HRH1: variants seen among roughly 807,000 people sequenced by gnomAD.
HRH1 encodes the protein histamine H1 receptor.
HRH1 carries 6 observed loss-of-function variants against 10.3 expected under a neutral mutation model. The observed-to-expected ratio is 0.58, with a 90% CI of 0.32 to 1.15. The LOEUF (loss-of-function observed/expected upper bound fraction) is 1.15, where lower values mean the gene tolerates loss of function less well. Among genes scored for constraint, HRH1 ranks in the 50% most tolerant of loss-of-function variants. HRH1 has a pLI of 0.05. For synonymous variants in HRH1, 242 were observed against 236.7 expected (o/e 1.02, Z -0.21); for missense variants, 514 against 615.3 (o/e 0.84, Z 1.74).
In HRH1 at chr3:11,198,901, TATACACACAC is replaced by T. The variant is rs1181012991; in HGVS notation, c.-36+44349_-36+44358del. ...GTGTATTGTAAACTCTCTCTCTCTT[TATACACACAC>T]ACACACACACACACACATTTTTTTT... On this transcript the variant is annotated intron_variant, in intron 1 of 1. Transcript: ENST00000431010. 9.9e-4 allele frequency among the ~76,000 whole-genome samples: 85 copies of T among 86,140 alleles called. 2 individuals carry two copies. The South Asian group carries it at 0.03, about 30-fold the overall frequency. 56.5% of individuals were successfully genotyped at this position (86,140 alleles called of 152,430 possible).
chr3:11,237,905 T>C (rs900433472), intron 1 of HRH1, among the ~76,000 whole-genome samples: 2 of 152,108 alleles, frequency 1.3e-5, no homozygotes, highest in African/African-American at 4.8e-5. Context: ...CTCGAACTCC[T>C]GACCTTGTGA....
Position 11,260,120 on chromosome 3 carries a change from G to A in HRH1, c.1083G>A (p.Thr361=), listed in dbSNP as rs1939907754. ...MLGDSQSFSR[T]DSDTTTETAP... ...GTGATAGCCAATCCTTCTCTCGAAC[G>A]GACTCAGATACCACCACAGAGACAG... Residue 361 remains threonine, a synonymous_variant, in exon 2 of 2, where the codon ACG becomes ACA. Transcript: ENST00000431010. 5.0e-6 allele frequency: 8 copies of A among 1,614,028 alleles called. No individual in the cohort carries two copies. Among genetic ancestry groups the A allele is most frequent in the African/African-American group, 1.3e-5 (1 of 75,004 alleles).
At chr3:11,176,758 A>G (rs1246740135) in intron 1 of HRH1, among the ~76,000 whole-genome samples, 2 of 152,260 alleles carry the variant, frequency 1.3e-5, no homozygotes, top group Non-Finnish European at 2.9e-5. Context: ...GAACAGGACT[A>G]TCTAACTCCA....
At chr3:11,219,197 C>G (rs538217746) in intron 1 of HRH1, among the ~76,000 whole-genome samples, 1 of 151,996 alleles carries the variant, frequency 6.6e-6, no homozygotes, top group Non-Finnish European at 1.5e-5. Context: ...CCTAAATTTT[C>G]TTATAAATTC....
Position 11,252,512 on chromosome 3 carries a change from C to T in HRH1, c.-35-6491C>T, listed in dbSNP as rs1444808650. 2.0e-5 allele frequency among the ~76,000 whole-genome samples: 3 copies of T among 152,296 alleles called. No individual in the cohort carries two copies. In the South Asian group the frequency reaches 6.2e-4, roughly 32 times the overall value. ...GACTCCGTAAACCCCCGGGGTAAGA[C>T]TGTCCATCAGTATTGCTGTTTTCAA... On this transcript the variant is annotated intron_variant, in intron 1 of 1. Coordinates refer to ENST00000431010, the MANE Select transcript of HRH1 (RefSeq NM_001098212.2).
intron 1 of HRH1, among the ~76,000 whole-genome samples, chr3:11,139,867 A>G (rs1191146537): frequency 1.3e-5 from 2 of 152,150 alleles, no homozygotes; most frequent in African/African-American, 4.8e-5. Context: ...GTTTTTTGGG[A>G]TGATGGAAAT....
chr3:11,235,227 A>AG (rs1939148648), intron 1 of HRH1, among the ~76,000 whole-genome samples: 1 of 151,894 alleles, frequency 6.6e-6, no homozygotes, highest in African/African-American at 2.4e-5. Flanking sequence ...AAAAAAAAAA[A>AG]TGCTATTAGA....
At chr3:11,236,886 C>T (rs1939194971) in intron 1 of HRH1, among the ~76,000 whole-genome samples, 1 of 152,194 alleles carries the variant, frequency 6.6e-6, no homozygotes, top group South Asian at 2.1e-4. Context: ...GTTACAGGAA[C>T]TGGTAATCAC....
chr3:11,182,278 G>A (rs991261281), intron 1 of HRH1, among the ~76,000 whole-genome samples: 3 of 152,116 alleles, frequency 2.0e-5, no homozygotes, highest in Admixed American at 1.3e-4. Flanking sequence ...CACCGCGCCC[G>A]GCCCGTAAAA....
intron 1 of HRH1, among the ~76,000 whole-genome samples, chr3:11,240,219 C>T (rs1939297300): frequency 1.3e-5 from 2 of 152,018 alleles, no homozygotes; most frequent in African/African-American, 4.8e-5. Context: ...ATTCTGCATC[C>T]CCTATGAACC....
chr3:11,189,039 G>A (rs1937498785), intron 1 of HRH1, among the ~76,000 whole-genome samples: 1 of 152,174 alleles, frequency 6.6e-6, no homozygotes. Context: ...GCAGGACTTA[G>A]AAACTAAGTA....
At chr3:11,244,549 A>G (rs567085753) in intron 1 of HRH1, among the ~76,000 whole-genome samples, 1 of 152,230 alleles carries the variant, frequency 6.6e-6, no homozygotes, top group Non-Finnish European at 1.5e-5. Flanking sequence ...ACTGCTATTA[A>G]TTGAGCACCT....
chr3:11,173,723 T>C (rs554248231), intron 1 of HRH1, among the ~76,000 whole-genome samples: 3 of 152,242 alleles, frequency 2.0e-5, no homozygotes, highest in Non-Finnish European at 4.4e-5. Flanking sequence ...TTATTTGATC[T>C]TGGAGTCTCT....
At chr3:11,209,894 G>A (rs565501285) in intron 1 of HRH1, among the ~76,000 whole-genome samples, 1 of 152,316 alleles carries the variant, frequency 6.6e-6, no homozygotes, top group South Asian at 2.1e-4. Context: ...CTGTGCTGCC[G>A]AGATAGACCC....
rs200571067 is a variant in HRH1 at position 11,259,272 on chromosome 3, G to A, written c.235G>A (p.Val79Ile). The A allele has an allele frequency of 9.4e-5, 152 of 1,613,484 alleles. 3 individuals are homozygous for A. The highest frequency in any genetic ancestry group is 4.8e-4 in the South Asian group (44 of 91,030). The change falls in exon 2 of 2, where the codon GTC (valine) becomes ATC (isoleucine). Residue 79 changes from valine (V) to isoleucine (I), a missense_variant. Physicochemically the swap from Val to Ile is conservative, Grantham distance 29. Coordinates refer to ENST00000431010, the MANE Select transcript of HRH1 (RefSeq NM_001098212.2). The surrounding 1 kb of genome is among the most constrained non-coding windows in gnomAD (Gnocchi z 4.6). ...GGTGGCGGACTTGATCGTGGGTGCCGTCGTCATGCCTATGAACATCCTCTA... is the reference window on the plus strand; with the variant it reads ...GGTGGCGGACTTGATCGTGGGTGCCATCGTCATGCCTATGAACATCCTCTA... ...LSVADLIVGA[V>I]VMPMNILYLL...
At chr3:11,155,222 G>A (rs1354535756) in intron 1 of HRH1, among the ~76,000 whole-genome samples, 2 of 152,164 alleles carry the variant, frequency 1.3e-5, no homozygotes, top group Non-Finnish European at 2.9e-5. Context: ...CTGCAGCTGG[G>A]GGTGTGGAGC....
At chr3:11,207,662 A>G (rs1938186285) in intron 1 of HRH1, among the ~76,000 whole-genome samples, 1 of 152,152 alleles carries the variant, frequency 6.6e-6, no homozygotes, top group South Asian at 2.1e-4. Flanking sequence ...GACCTCTGTG[A>G]GCCTTAGTTT....
chr3:11,256,009 A>G (rs967944865), intron 1 of HRH1, among the ~76,000 whole-genome samples: 19 of 152,144 alleles, frequency 1.2e-4, no homozygotes, highest in Non-Finnish European at 4.4e-5. Context: ...GTGAAGCTGC[A>G]AGGTATTAGA....
At chr3:11,250,034 C>CTT (rs71055856) in intron 1 of HRH1, among the ~76,000 whole-genome samples, 2,597 of 60,836 alleles carry the variant, frequency 0.043, 437 homozygotes, top group African/African-American at 0.14. Context: ...AAGCTTTTCT[C>CTT]TTTTTTTTTT....
Sources: gnomAD v4.1 joint callset for allele counts (sites outside exome capture counted in the v4.1 genomes callset) on GRCh38, gnomAD v4.1.1 for gene constraint, Gnocchi (gnomAD v3.1) non-coding constraint, MANE v1.5 for transcripts, NCBI Gene and HGNC (gene_info 2026-07-23, HGNC 2026-07-21) for gene names.